The following DACH2 variants were observed in gnomAD, a reference collection of about 807,000 sequenced individuals.
DACH2 encodes dachshund family transcription factor 2, also known as dachshund homolog 2.
Under a neutral mutation model 35.8 loss-of-function variants are expected in DACH2, and 17 were observed. The ratio of observed to expected loss-of-function variants is 0.48; its 90% CI spans 0.33 to 0.71. The LOEUF (loss-of-function observed/expected upper bound fraction) is 0.71. DACH2 is among the 30% of genes least tolerant of loss of function. The probability of loss-of-function intolerance (pLI) is 0.02; values close to 1 mark genes in which losing one functional copy is unlikely to be tolerated. For synonymous variants in DACH2, 195 were observed against 177.3 expected, an observed-to-expected ratio of 1.10 and a Z score of -0.79; for missense variants, 469 against 472.7, an observed-to-expected ratio of 0.99 and a Z score of 0.07.
intron 1 of DACH2, among the ~76,000 whole-genome samples, chrX:86,325,017 G>A (rs970310296): frequency 2.7e-5 from 3 of 111,051 alleles, no homozygotes; most frequent in Non-Finnish European, 5.7e-5. Context: ...TACATACATG[G>A]TTTTTTAGAT....
intron 3 of DACH2, among the ~76,000 whole-genome samples, chrX:86,529,476 ATTT>A (rs201967458): frequency 2.2e-5 from 2 of 92,233 alleles, no homozygotes; most frequent in Non-Finnish European, 2.2e-5. Context: ...TGTGATCAAC[ATTT>A]TTTTTTTTTT....
chrX:86,150,005 C>A (rs1018316891), intron 1 of DACH2, among the ~76,000 whole-genome samples: 1 of 111,807 alleles, frequency 8.9e-6, no homozygotes, highest in Non-Finnish European at 1.9e-5. Flanking sequence ...GGCCAGCTTC[C>A]CTGGTTGTAA....
intron 3 of DACH2, among the ~76,000 whole-genome samples, chrX:86,545,189 T>C (rs985088866): frequency 1.8e-5 from 2 of 112,156 alleles, no homozygotes; most frequent in Non-Finnish European, 3.8e-5. Flanking sequence ...TAAGAAAATG[T>C]AGTACATATA....
intron 1 of DACH2, among the ~76,000 whole-genome samples, chrX:86,269,989 G>A (rs187868162): frequency 7.4e-4 from 76 of 102,685 alleles, no homozygotes; most frequent in Non-Finnish European, 2.2e-4. Context: ...AACAAACTAA[G>A]ATAAGATTCA....
intron 6 of DACH2, among the ~76,000 whole-genome samples, chrX:86,731,174 G>T (rs1253470323): frequency 9.0e-6 from 1 of 111,383 alleles, no homozygotes; most frequent in Non-Finnish European, 1.9e-5. Context: ...CCAGCATCCA[G>T]TGATATGCCT....
chrX:86,666,312 T>TGTGTGTGA (rs112267843), intron 4 of DACH2, among the ~76,000 whole-genome samples: 81 of 99,945 alleles, frequency 8.1e-4, no homozygotes, highest in African/African-American at 2.6e-3. Context: ...TGTGTGTGTG[T>TGTGTGTGA]GAGAGAGAGA....
chrX:86,813,272 G>T lies in DACH2; in HGVS notation c.1532G>T (p.Ser511Ile). The T allele has an allele frequency of 8.4e-7, 1 of 1,194,631 alleles. No homozygotes were observed. Among genetic ancestry groups the T allele is most frequent in the Non-Finnish European group, 1.1e-6 (1 of 889,117 alleles). The change falls in exon 9 of 12, where the codon AGC (serine) becomes ATC (isoleucine). Residue 511 changes from serine to isoleucine, a missense_variant. By Grantham distance (142) the Ser-to-Ile change is moderately radical. Around this residue, in one of 3 missense-constraint regions of DACH2, gnomAD observed 363 missense variants for 334.4 expected, o/e 1.09. Transcript: ENST00000373125. ...AGACAACTTGCAGTTGAGCTTCAAA[G>T]CAGAAGTAAGTTTTACAAGTTCAAT... Reference protein sequence around the residue: ...LERQLAVELQSRTTMQKRLKK... With the variant: ...LERQLAVELQIRTTMQKRLKK...
chrX:86,568,447 C>T (rs974479525), intron 3 of DACH2, among the ~76,000 whole-genome samples: 1 of 110,677 alleles, frequency 9.0e-6, no homozygotes, highest in Admixed American at 9.6e-5. Context: ...ACAGAAACTG[C>T]TCTAAAATAA....
chrX:86,437,423 A>G (rs1433439268), intron 2 of DACH2, among the ~76,000 whole-genome samples: 1 of 111,518 alleles, frequency 9.0e-6, no homozygotes, highest in Non-Finnish European at 1.9e-5. Context: ...ACCAACTTCT[A>G]TCCATTCCTC....
intron 4 of DACH2, among the ~76,000 whole-genome samples, chrX:86,682,298 A>G (rs753536597): frequency 8.0e-5 from 9 of 112,189 alleles, no homozygotes; most frequent in Non-Finnish European, 1.7e-4. Flanking sequence ...GCCTCGTATC[A>G]GTAACAATTG....
Position 86,666,312 on chromosome X carries a change from T to TGTGTGTGTGTGAGA in DACH2, c.772+15146_772+15147insTGTGTGTGTGAGAG, listed in dbSNP as rs112267843. Among the ~76,000 whole-genome samples the TGTGTGTGTGTGAGA allele has an allele frequency of 5.0e-5, 5 of 99,953 alleles. No homozygotes were observed. The East Asian group carries it at 1.3e-3, about 26-fold the overall frequency. 86.8% of individuals were successfully genotyped at this position (99,953 alleles called of 115,157 possible). A position where few individuals can be genotyped will look rare whatever the true frequency, so the allele number is the denominator to read the frequency against. ...AGTGGGATGTGTGTGTGTGTGTGTG[T>TGTGTGTGTGTGAGA]GAGAGAGAGAGAGAGAGAGAATAAG... On this transcript the variant is annotated intron_variant, in intron 4 of 11. Transcript: ENST00000373125.
At chrX:86,562,629 G>A (rs2039239279) in intron 3 of DACH2, among the ~76,000 whole-genome samples, 1 of 111,521 alleles carries the variant, frequency 9.0e-6, no homozygotes, top group Non-Finnish European at 1.9e-5. Context: ...CTCTCTGTGT[G>A]TGCATACAGA....
chrX:86,794,265 G>T (rs2042214639), intron 7 of DACH2, among the ~76,000 whole-genome samples: 1 of 110,563 alleles, frequency 9.0e-6, no homozygotes. Context: ...ATACAGCTTT[G>T]AAAGCGTATG....
At chrX:86,592,592 A>C (rs1166721910) in intron 3 of DACH2, among the ~76,000 whole-genome samples, 5 of 112,215 alleles carry the variant, frequency 4.5e-5, no homozygotes, top group African/African-American at 1.6e-4. Context: ...GATTGTGTTG[A>C]ATGTATACAT....
At chrX:86,491,638 G>C (rs756151168) in intron 2 of DACH2, among the ~76,000 whole-genome samples, 8 of 111,378 alleles carry the variant, frequency 7.2e-5, no homozygotes, top group Admixed American at 6.7e-4. Flanking sequence ...AACGTATTTT[G>C]ACCATGAAAA....
At chrX:86,205,097 ATAAT>A (rs201622079) in intron 1 of DACH2, among the ~76,000 whole-genome samples, 2,391 of 112,167 alleles carry the variant, frequency 0.021, 80 homozygotes, top group African/African-American at 0.074. Context: ...ATAATTAAAA[ATAAT>A]TAAAAGTGAA....
chrX:86,755,542 A>C (rs1484361037), intron 7 of DACH2, among the ~76,000 whole-genome samples: 1 of 106,937 alleles, frequency 9.4e-6, no homozygotes, highest in Non-Finnish European at 1.9e-5. Context: ...TTCTTCTAGT[A>C]GTTTTATAGT....
At chrX:86,236,275 A>G (rs377089038) in intron 1 of DACH2, among the ~76,000 whole-genome samples, 2 of 112,540 alleles carry the variant, frequency 1.8e-5, no homozygotes, top group South Asian at 7.3e-4. Flanking sequence ...ACTATGTCTT[A>G]TTTGTGTTTG....
intron 2 of DACH2, among the ~76,000 whole-genome samples, chrX:86,503,912 T>C (rs2369083): frequency 0.21 from 22,998 of 110,646 alleles, 2,297 homozygotes; most frequent in Middle Eastern, 0.44. Flanking sequence ...TTTTAACAAA[T>C]TGAGTAACTG....
Sources: gnomAD v4.1 joint callset for allele counts (sites outside exome capture counted in the v4.1 genomes callset) on GRCh38, gnomAD v4.1.1 for gene constraint, gnomAD v4.1.1 regional missense constraint, MANE v1.5 for transcripts, NCBI Gene and HGNC (gene_info 2026-07-23, HGNC 2026-07-21) for gene names.